FRK: variants seen among roughly 807,000 people sequenced by gnomAD.
The protein encoded by FRK is fyn related Src family tyrosine kinase.
In FRK, 51 loss-of-function variants were observed where a neutral mutation model predicts 56.4. The observed-to-expected ratio is 0.90, with a 90% CI of 0.72 to 1.14. The LOEUF (loss-of-function observed/expected upper bound fraction) is 1.14, where lower values mean the gene tolerates loss of function less well. FRK is among the 50% of genes most tolerant of loss of function. FRK has a pLI of 0.00. For synonymous variants in FRK, 245 were observed against 217.9 expected (o/e 1.12, Z -1.10); for missense variants, 570 against 601.4 (o/e 0.95, Z 0.55).
chr6:116,065,308 T>G (rs1226270117), upstream of FRK, among the ~76,000 whole-genome samples: 1 of 152,174 alleles, frequency 6.6e-6, no homozygotes, highest in Admixed American at 6.5e-5. Context: ...AAAATTGGAC[T>G]CTGTCTCCCC....
At chr6:116,069,215 A>G in the FRK span, among the ~76,000 whole-genome samples, 1 of 152,292 alleles carries the variant, frequency 6.6e-6, no homozygotes, top group South Asian at 2.1e-4. Flanking sequence ...AAATAGAAGC[A>G]CCTGAAGTCT....
intron 1 of FRK, among the ~76,000 whole-genome samples, chr6:116,019,262 G>T (rs1323144162): frequency 6.6e-6 from 1 of 152,086 alleles, no homozygotes. Flanking sequence ...ACAACACATG[G>T]TATTAAATAA....
chr6:116,003,876 C>G lies in FRK; in HGVS notation c.466+1G>C. ...TGAATGACACAAAACAATACCCTTA[C>G]CTGAAAGAGAGAATTCTCCTTTTTG... On this transcript the variant is annotated splice_donor_variant, in intron 2 of 7. Transcript: ENST00000606080. LOFTEE classifies it high-confidence loss of function. 1.2e-6 allele frequency: 2 copies of G among 1,613,320 alleles called. No individual in the cohort carries two copies. The highest frequency in any genetic ancestry group is 1.7e-6 in the Non-Finnish European group (2 of 1,179,808).
the FRK span, among the ~76,000 whole-genome samples, chr6:116,067,041 A>G: frequency 6.6e-6 from 1 of 152,172 alleles, no homozygotes; most frequent in Non-Finnish European, 1.5e-5. Flanking sequence ...AAATGAATTC[A>G]TCAGGGTGAG....
At chr6:116,066,862 C>T in the FRK span, among the ~76,000 whole-genome samples, 1 of 152,250 alleles carries the variant, frequency 6.6e-6, no homozygotes, top group Admixed American at 6.5e-5. Context: ...AAAAGGTTAC[C>T]CCTAACCACT....
At chr6:115,947,317 A>AGT (rs10577529) in intron 5 of FRK, among the ~76,000 whole-genome samples, 188 of 149,896 alleles carry the variant, frequency 1.3e-3, no homozygotes, top group African/African-American at 3.8e-3. Context: ...AGACTTAAAC[A>AGT]GTGTGTGTGT....
upstream of FRK, among the ~76,000 whole-genome samples, chr6:116,062,462 G>GAA (rs550646718): frequency 2.0e-4 from 24 of 119,222 alleles, no homozygotes; most frequent in African/African-American, 6.3e-4. Flanking sequence ...ATCTAAAAAT[G>GAA]AAAAAAAAAA....
At chr6:116,059,737 G>C (rs1023460035) in intron 1 of FRK, among the ~76,000 whole-genome samples, 2 of 152,124 alleles carry the variant, frequency 1.3e-5, no homozygotes, top group African/African-American at 4.8e-5. Context: ...ATACACCCTG[G>C]ACCTGTGGAT....
intron 1 of FRK, among the ~76,000 whole-genome samples, 188 bp downstream of exon 1, chr6:116,059,780 A>C (rs538948405): frequency 4.5e-4 from 68 of 152,238 alleles, no homozygotes; most frequent in Non-Finnish European, 7.4e-4. Context: ...TCTCAACAAC[A>C]ATTACTGGCC....
rs912217021 is a variant in FRK at position 116,028,528 on chromosome 6, C to T, written c.345-24530G>A. On this transcript the variant is annotated intron_variant, in intron 1 of 7. Transcript: ENST00000606080. ...CAACATGTCAGCATGTTAGCTCCTTCTGCGGTCAGTGAGGGAAAATCTGTT... is the reference window on the plus strand; with the variant it reads ...CAACATGTCAGCATGTTAGCTCCTTTTGCGGTCAGTGAGGGAAAATCTGTT... 5.3e-5 allele frequency among the ~76,000 whole-genome samples: 8 copies of T among 152,268 alleles called. 1 individual carries two copies. The highest frequency in any genetic ancestry group is 3.9e-4 in the Admixed American group (6 of 15,278).
At chr6:115,958,639 GAAA>G (rs1562256943) in intron 4 of FRK, among the ~76,000 whole-genome samples, 17 of 4,528 alleles carry the variant, frequency 3.8e-3, no homozygotes, top group African/African-American at 5.1e-3. Flanking sequence ...AAAAAGGAAA[GAAA>G]GAAAAGAAAG....
intron 2 of FRK, among the ~76,000 whole-genome samples, chr6:115,984,470 G>C (rs1254270919): frequency 2.0e-5 from 3 of 151,978 alleles, no homozygotes; most frequent in African/African-American, 4.8e-5. Flanking sequence ...CAACTATTAA[G>C]TGATGGAGCT....
chr6:115,987,027 C>T (rs1281153309), intron 2 of FRK, among the ~76,000 whole-genome samples: 6 of 151,996 alleles, frequency 3.9e-5, no homozygotes, highest in Admixed American at 3.9e-4. Flanking sequence ...TCTTCCTTCC[C>T]ACAGGCAATT....
At chr6:116,036,988 C>A (rs1232522528) in intron 1 of FRK, among the ~76,000 whole-genome samples, 2 of 152,098 alleles carry the variant, frequency 1.3e-5, no homozygotes, top group Non-Finnish European at 2.9e-5. Flanking sequence ...CATAGTATTT[C>A]TTTGAATATT....
chr6:116,032,436 G>A (rs1261169804), intron 1 of FRK, among the ~76,000 whole-genome samples: 1 of 152,002 alleles, frequency 6.6e-6, no homozygotes, highest in Non-Finnish European at 1.5e-5. Flanking sequence ...TAAGGAAGGA[G>A]TGATCATTAC....
In FRK at chr6:116,050,283, T is replaced by C. The variant is rs370986851; in HGVS notation, c.344+9685A>G. The stretch of plus-strand genomic sequence containing the variant: ...TCAAGTCTCAACACCCACAAAAACA[T>C]GGATATTGTCCATCCTAAAAAATGA... On this transcript the variant is annotated intron_variant, in intron 1 of 7. Coordinates refer to ENST00000606080, the MANE Select transcript of FRK (RefSeq NM_002031.3). 9.9e-4 allele frequency among the ~76,000 whole-genome samples: 151 copies of C among 152,304 alleles called. 2 individuals are homozygous for C. Among genetic ancestry groups the C allele is most frequent in the African/African-American group, 3.6e-3 (148 of 41,582 alleles).
chr6:116,043,836 G>T (rs754833433), intron 1 of FRK, among the ~76,000 whole-genome samples: 1 of 151,936 alleles, frequency 6.6e-6, no homozygotes, highest in African/African-American at 2.4e-5. Flanking sequence ...TAGATAGACC[G>T]CTAGACAGAC....
At chr6:116,072,534 C>CACAA in the FRK span, among the ~76,000 whole-genome samples, 1 of 130,782 alleles carries the variant, frequency 7.6e-6, no homozygotes, top group African/African-American at 2.8e-5. Flanking sequence ...TAAATAAACA[C>CACAA]ACACACACAC....
chr6:115,942,715 CTAAG>C (rs1772238709), intron 7 of FRK, 90 bp from the exon 8 acceptor site: 2 of 1,100,714 alleles, frequency 1.8e-6, no homozygotes, highest in African/African-American at 1.6e-5. Flanking sequence ...CTCTAGGTTA[CTAAG>C]TAAGTCAATT....
Sources: gnomAD v4.1 joint callset for allele counts (sites outside exome capture counted in the v4.1 genomes callset) on GRCh38, gnomAD v4.1.1 for gene constraint, MANE v1.5 for transcripts, NCBI Gene and HGNC (gene_info 2026-07-23, HGNC 2026-07-21) for gene names.